The following ESR2 variants were observed in gnomAD, a reference collection of about 807,000 sequenced individuals.
The protein encoded by ESR2 is estrogen receptor beta.
ESR2 carries 36 observed loss-of-function variants against 49.6 expected under a neutral mutation model. That is an observed-to-expected ratio of 0.73 (90% CI 0.56 to 0.96). The LOEUF (loss-of-function observed/expected upper bound fraction) is 0.96, where lower values mean the gene tolerates loss of function less well. Among genes scored for constraint, ESR2 ranks in the 40% least tolerant of loss-of-function variants. ESR2 has a pLI of 0.00. For missense variants in ESR2, 714 were observed against 693.0 expected (o/e 1.03, Z -0.34); for synonymous variants, 320 against 266.1 (o/e 1.20, Z -1.97).
intron 1 of ESR2, among the ~76,000 whole-genome samples, chr14:64,320,711 G>A (rs2077315614): frequency 1.3e-5 from 2 of 151,934 alleles, no homozygotes; most frequent in Non-Finnish European, 2.9e-5. Context: ...TGACCAACAT[G>A]GTGAAATCCT....
chr14:64,266,356 A>G (rs1309594703), intron 4 of ESR2, among the ~76,000 whole-genome samples: 1 of 152,228 alleles, frequency 6.6e-6, no homozygotes, highest in Admixed American at 6.5e-5. Flanking sequence ...AGGGCCAAAG[A>G]GGTGATTCAG....
intron 4 of ESR2, among the ~76,000 whole-genome samples, chr14:64,261,546 T>C (rs2076225604): frequency 6.6e-6 from 1 of 152,142 alleles, no homozygotes; most frequent in Admixed American, 6.5e-5. Context: ...GCCTCCCAAG[T>C]AGCTGGGATT....
chr14:64,250,681 T>G (rs554001463), intron 6 of ESR2, among the ~76,000 whole-genome samples: 2 of 152,342 alleles, frequency 1.3e-5, no homozygotes, highest in East Asian at 3.9e-4. Flanking sequence ...TGAAGGGGCC[T>G]TGAGGTCTTC....
At chr14:64,269,325 T>C (rs1279676785) in intron 3 of ESR2, among the ~76,000 whole-genome samples, 1 of 152,210 alleles carries the variant, frequency 6.6e-6, no homozygotes, top group Non-Finnish European at 1.5e-5. Context: ...AATATTTTTA[T>C]GGGAATTCAT....
intron 1 of ESR2, among the ~76,000 whole-genome samples, chr14:64,308,504 T>C (rs1399884643): frequency 6.6e-6 from 1 of 152,196 alleles, no homozygotes; most frequent in Non-Finnish European, 1.5e-5. Flanking sequence ...CTAGATATCC[T>C]TTTTATTGAT....
intron 1 of ESR2, among the ~76,000 whole-genome samples, chr14:64,320,319 T>C (rs913010055): frequency 2.0e-5 from 3 of 152,046 alleles, no homozygotes; most frequent in Non-Finnish European, 4.4e-5. Flanking sequence ...TAGTCCCAGC[T>C]ACTCAGGAGG....
chr14:64,246,732 G>T (rs1213159821), intron 7 of ESR2, among the ~76,000 whole-genome samples: 1 of 41,604 alleles, frequency 2.4e-5, no homozygotes, highest in Non-Finnish European at 3.4e-5. Flanking sequence ...GGAAGACTCT[G>T]TCAAAAAAAA....
upstream of ESR2, chr14:64,338,589 G>A (rs1039981210): frequency 1.3e-5 from 2 of 151,730 alleles, no homozygotes; most frequent in African/African-American, 4.9e-5. Context: ...GCATCCGGGA[G>A]ACTCGCCGCC....
chr14:64,268,217 A>T (rs574474799), intron 4 of ESR2, among the ~76,000 whole-genome samples: 2 of 152,212 alleles, frequency 1.3e-5, no homozygotes, highest in Non-Finnish European at 1.5e-5. Context: ...TGTTAAATAC[A>T]CATATGTATA....
Position 64,252,323 on chromosome 14 carries a change from A to C in ESR2, c.1092-2644T>G, listed in dbSNP as rs57470843. 5.5e-3 allele frequency among the ~76,000 whole-genome samples: 836 copies of C among 151,976 alleles called. 9 individuals carry two copies. Among genetic ancestry groups the C allele is most frequent in the African/African-American group, 0.019 (802 of 41,448 alleles). Reference sequence around the variant, plus strand: ...CGGGACCGTCTCTAAAAAAAAAAAAACAAAAACAAAAACAGGGCATATGAT... The same window carrying C: ...CGGGACCGTCTCTAAAAAAAAAAAACCAAAAACAAAAACAGGGCATATGAT... On this transcript the variant is annotated intron_variant, in intron 6 of 8. Transcript: ENST00000341099.
At chr14:64,318,872 A>G (rs2077292057) in intron 1 of ESR2, among the ~76,000 whole-genome samples, 1 of 151,882 alleles carries the variant, frequency 6.6e-6, no homozygotes, top group Non-Finnish European at 1.5e-5. Flanking sequence ...GTGCAATCCT[A>G]TCTCTACAAA....
intron 1 of ESR2, among the ~76,000 whole-genome samples, chr14:64,313,853 A>C (rs2077216614): frequency 7.2e-6 from 1 of 138,202 alleles, no homozygotes; most frequent in African/African-American, 2.7e-5. Flanking sequence ...CACTCCAGCC[A>C]GGGCAACACA....
chr14:64,334,649 G>T (rs2077506639), intron 1 of ESR2, among the ~76,000 whole-genome samples: 1 of 152,146 alleles, frequency 6.6e-6, no homozygotes, highest in Non-Finnish European at 1.5e-5. Flanking sequence ...AAGAAATTGT[G>T]GTCTTATTTT....
downstream of ESR2, chr14:64,227,751 C>T: frequency 1.3e-6 from 2 of 1,543,870 alleles, no homozygotes; most frequent in Non-Finnish European, 1.7e-6. Context: ...CTCCCCATCT[C>T]CAGGGAGGCC....
At position 64,260,689 on chromosome 14, in the gene ESR2, G is replaced by C; in HGVS notation, c.712C>G (p.Gln238Glu). Reference sequence around the variant, plus strand: ...TTGGCCTTGCCGGCACAGTGCAGCTGCTCGTCGGCACTTCTCTGTCTCCGC... The same window carrying C: ...TTGGCCTTGCCGGCACAGTGCAGCTCCTCGTCGGCACTTCTCTGTCTCCGC... ...LVRRQRSADEQLHCAGKAKRS... is the reference protein window; with the variant it reads ...LVRRQRSADEELHCAGKAKRS... The change falls in exon 5 of 9, where the codon CAG becomes GAG. Residue 238 changes from glutamine (Q) to glutamate (E), a missense_variant. Physicochemically the swap from Gln to Glu is conservative, Grantham distance 29. Coordinates refer to ENST00000341099, the MANE Select transcript of ESR2 (RefSeq NM_001437.3). 7 of 1,553,550 alleles carry C rather than the reference G, an allele frequency of 4.5e-6. No homozygotes were observed. In the Admixed American group the frequency reaches 7.7e-5, roughly 17 times the overall value.
At chr14:64,321,198 AAAGTT>A (rs1394811206) in intron 1 of ESR2, among the ~76,000 whole-genome samples, 1 of 152,140 alleles carries the variant, frequency 6.6e-6, no homozygotes, top group African/African-American at 2.4e-5. Flanking sequence ...ACTACATATT[AAAGTT>A]ATTTATTTCT....
intron 1 of ESR2, chr14:64,330,239 G>A (rs1431222861): frequency 6.6e-6 from 1 of 152,298 alleles, no homozygotes; most frequent in Non-Finnish European, 1.5e-5. Flanking sequence ...AGACCAGCCT[G>A]ACCAATATGG....
chr14:64,302,248 G>A lies in ESR2; in HGVS notation c.-90-19173C>T, dbSNP rs190193458. On this transcript the variant is annotated intron_variant, in intron 1 of 8. Coordinates refer to the ESR2 transcript ENST00000358599. ...GTCGCCCAGGCTGGAGTGCAGTGGC[G>A]CAATCTCGGCTCACTGCAAGCTCTG... 6.1e-3 allele frequency among the ~76,000 whole-genome samples: 914 copies of A among 150,556 alleles called. 12 individuals carry two copies. The highest frequency in any genetic ancestry group is 0.021 in the African/African-American group (875 of 40,846).
intron 4 of ESR2, among the ~76,000 whole-genome samples, chr14:64,268,044 CAAGT>C (rs1005377997): frequency 1.3e-5 from 2 of 152,160 alleles, no homozygotes; most frequent in Admixed American, 6.5e-5. Context: ...TATAAACAAG[CAAGT>C]GAGTACAGAC....
Sources: allele counts gnomAD v4.1 joint callset (sites outside exome capture counted in the v4.1 genomes callset), GRCh38; gene constraint gnomAD v4.1.1; transcripts MANE v1.5; gene names NCBI Gene and HGNC (gene_info 2026-07-23, HGNC 2026-07-21).